MCF2L: variants seen among roughly 807,000 people sequenced by gnomAD.
MCF2L encodes the protein MCF.2 cell line derived transforming sequence like, also known as guanine nucleotide exchange factor DBS.
A neutral mutation model predicts 153.4 loss-of-function variants in MCF2L; 97 were observed. The observed-to-expected ratio is 0.63, with a 90% CI of 0.54 to 0.75. The LOEUF (loss-of-function observed/expected upper bound fraction) is 0.75, where lower values mean the gene tolerates loss of function less well. Ranked by LOEUF, MCF2L falls within the 30% of genes least tolerant of loss-of-function variation. MCF2L has a pLI of 0.00. For missense variants in MCF2L, 1,347 were observed against 1,495.2 expected (o/e 0.90, Z 1.64); for synonymous variants, 659 against 632.2 (o/e 1.04, Z -0.64).
upstream of MCF2L, among the ~76,000 whole-genome samples, chr13:112,967,159 A>G (rs1482384897): frequency 6.2e-5 from 4 of 64,110 alleles, no homozygotes; most frequent in Admixed American, 2.5e-4. Flanking sequence ...CTTTCCCTGA[A>G]GCTGGAGGGG....
At chr13:113,079,387 G>A (rs1461433473) in intron 15 of MCF2L, among the ~76,000 whole-genome samples, 1 of 150,954 alleles carries the variant, frequency 6.6e-6, no homozygotes, top group Non-Finnish European at 1.5e-5. Flanking sequence ...CGAGGAAGAG[G>A]AGGAGGCCAC....
At chr13:113,061,653 G>A (rs1035977165) in intron 5 of MCF2L, among the ~76,000 whole-genome samples, 3 of 144,248 alleles carry the variant, frequency 2.1e-5, no homozygotes, top group East Asian at 2.1e-4. Context: ...GGAAGAAAAC[G>A]GCCTGGGGCC....
intron 1 of MCF2L, chr13:113,009,074 C>G (rs1310587656): frequency 2.6e-5 from 4 of 152,412 alleles, no homozygotes; most frequent in East Asian, 1.9e-4. Flanking sequence ...CCTCCCTGCC[C>G]GAGGCGCAAA....
chr13:112,958,737 A>G (rs1460499278), intron 2 of MCF2L, among the ~76,000 whole-genome samples: 1 of 152,120 alleles, frequency 6.6e-6, no homozygotes, highest in Non-Finnish European at 1.5e-5. Flanking sequence ...GCAGCTCCTC[A>G]GGCCTGGAAT....
rs1256199051 is a variant in MCF2L, at chr13:112,969,345, C to T, written c.-35C>T. On this transcript the variant is annotated 5_prime_UTR_variant, in exon 1 of 30. Transcript: ENST00000535094. The surrounding 1 kb of genome is among the most constrained non-coding windows in gnomAD (Gnocchi z 4.8). ...GCAGGCGCCCCCCGTGCGGAGGAAG[C>T]GGATCTGCCAGGATCATTTTTGTTG... 1.3e-6 allele frequency: 2 copies of T among 1,547,936 alleles called. No individual in the cohort carries two copies. Among genetic ancestry groups the T allele is most frequent in the Admixed American group, 2.0e-5 (1 of 50,948 alleles).
Position 113,087,249 on chromosome 13 carries a change from C to A in MCF2L, c.2388C>A (p.Asp796Glu), listed in dbSNP as rs1182546340. 3 of 1,611,762 alleles carry A rather than the reference C, an allele frequency of 1.9e-6. No individual in the cohort carries two copies. The highest frequency in any genetic ancestry group is 2.2e-5 in the South Asian group (2 of 91,014). The change falls in exon 22 of 30, where the codon GAC becomes GAA. Residue 796 changes from aspartate to glutamate, a missense_variant. Asp to Glu is a conservative substitution (Grantham distance 45). This residue lies in a region of MCF2L where 144 missense variants were observed against 238.7 expected (regional missense o/e 0.60). Coordinates refer to ENST00000535094, the MANE Select transcript of MCF2L (RefSeq NM_001112732.3). ...CGCACATTTAGGGGAATCTCGGCGA[C>A]CTGGGCAAGCTGCTGATGCAGGGCT... is the stretch of plus-strand genomic sequence containing the variant. ...AITGYDGNLG[D>E]LGKLLMQGSF...
intron 1 of MCF2L, chr13:112,979,666 C>T (rs982379611): frequency 4.3e-6 from 7 of 1,612,710 alleles, no homozygotes; most frequent in Admixed American, 1.7e-5. Flanking sequence ...CAGGGCGGTT[C>T]GATGGCCGAG....
chr13:113,061,462 C>T (rs1333160373), intron 5 of MCF2L, among the ~76,000 whole-genome samples: 2 of 152,104 alleles, frequency 1.3e-5, no homozygotes, highest in African/African-American at 4.8e-5. Flanking sequence ...CAGCACCAGG[C>T]ACCGCAGAGC....
intron 2 of MCF2L, among the ~76,000 whole-genome samples, chr13:112,913,054 T>C (rs1316931118): frequency 6.6e-6 from 1 of 151,576 alleles, no homozygotes; most frequent in East Asian, 1.9e-4. Context: ...GTGGTGTATC[T>C]GTGTATATGG....
At chr13:112,935,172 C>T (rs12429753) in intron 2 of MCF2L, among the ~76,000 whole-genome samples, 1 of 152,180 alleles carries the variant, frequency 6.6e-6, no homozygotes, top group East Asian at 1.9e-4. Flanking sequence ...AAGCAATGTA[C>T]ATTCACTAGA....
Position 113,026,668 on chromosome 13 carries a change from A to G in MCF2L, c.278+1910A>G, listed in dbSNP as rs116216464. On this transcript the variant is annotated intron_variant, in intron 3 of 29. Transcript: ENST00000535094. ...ATGCTCATGGGAGCAGAGCCCGTCCACGTGGCCTCTCTGTGTCGTGGTCAG... is the reference window on the plus strand; with the variant it reads ...ATGCTCATGGGAGCAGAGCCCGTCCGCGTGGCCTCTCTGTGTCGTGGTCAG... Among the ~76,000 whole-genome samples, 1,103 of 152,344 alleles carry G rather than the reference A, an allele frequency of 7.2e-3. 15 individuals carry two copies. Among genetic ancestry groups the G allele is most frequent in the African/African-American group, 0.025 (1,055 of 41,584 alleles).
rs115489023 is a variant in MCF2L, at chr13:113,053,777, G to A, written c.370-6816G>A. On this transcript the variant is annotated intron_variant, in intron 4 of 29. Coordinates refer to ENST00000535094, the MANE Select transcript of MCF2L (RefSeq NM_001112732.3). This position sits in a 1 kb window ranked among gnomAD's most constrained non-coding sequence, Gnocchi z 4.4. The stretch of plus-strand genomic sequence containing the variant: ...TCCATTTGTTACTCTGTCTCCTCCT[G>A]TGTCCCTGCAGCTGTGTCTCCAGTG... 4.0e-3 allele frequency among the ~76,000 whole-genome samples: 616 copies of A among 152,300 alleles called. 3 individuals carry two copies. The highest frequency in any genetic ancestry group is 0.014 in the African/African-American group (593 of 41,582).
At chr13:112,900,635 A>T (rs2081110720) in intron 1 of MCF2L, among the ~76,000 whole-genome samples, 1 of 151,104 alleles carries the variant, frequency 6.6e-6, no homozygotes, top group South Asian at 2.1e-4. Context: ...GTGTTGGGGG[A>T]AGAGGGGCGG....
rs112147145 is a variant in MCF2L, at chr13:113,090,009, A to G, written c.2953+281A>G. ...CTTGGGCCCTCCCTGCGACAGCCGG[A>G]CCCGCCTCCGCATCGGGTTGCGATG... On this transcript the variant is annotated intron_variant, in intron 26 of 29. Transcript: ENST00000535094. The G allele has an allele frequency of 5.3e-5, 85 of 1,600,068 alleles. 1 individual carries two copies. The African/African-American group carries it at 8.4e-4, about 16-fold the overall frequency.
intron 26 of MCF2L, chr13:113,091,078 ACTCT>A: frequency 1.5e-6 from 2 of 1,303,050 alleles, no homozygotes; most frequent in Non-Finnish European, 2.0e-6. Context: ...CGTCCTTCAC[ACTCT>A]CTCTCCGGTT....
chr13:113,084,020 A>G lies in MCF2L; in HGVS notation c.2014A>G (p.Asn672Asp). ...HNRIFLRELE[N>D]YTDCPELVGR... ...TAGGATATTCCTCAGGGAGCTGGAA[A>G]ACTACACTGACTGCCCAGAACTGGT... is the stretch of plus-strand genomic sequence containing the variant. Residue 672 changes from asparagine (N) to aspartate (D), a missense_variant, in exon 18 of 30, where the codon AAC (asparagine) becomes GAC (aspartate). Transcript: ENST00000535094. The G allele has an allele frequency of 1.2e-6, 2 of 1,614,026 alleles. No homozygotes were observed. The highest frequency in any genetic ancestry group is 1.7e-6 in the Non-Finnish European group (2 of 1,179,884).
intron 4 of MCF2L, among the ~76,000 whole-genome samples, chr13:113,050,782 G>GGCA (rs2087247961): frequency 1.2e-5 from 1 of 83,484 alleles, no homozygotes; most frequent in Admixed American, 1.1e-4. Context: ...GGAGGGGGGC[G>GGCA]GCAGGGGGCG....
rs2034505044 is a variant in MCF2L, at chr13:113,085,086, G to C, written c.2155G>C (p.Glu719Gln). 6.2e-7 allele frequency: 1 copy of C among 1,613,632 alleles called. No individual in the cohort carries two copies. Among genetic ancestry groups the C allele is most frequent in the African/African-American group, 1.3e-5 (1 of 74,934 alleles). The change falls in exon 20 of 30, where the codon GAA becomes CAA. Residue 719 changes from glutamate (E) to glutamine (Q), a missense_variant and splice_region_variant. Glu to Gln is a conservative substitution (Grantham distance 29). This residue lies in a region of MCF2L where 144 missense variants were observed against 238.7 expected (regional missense o/e 0.60). Transcript: ENST00000535094. Reference sequence around the variant, plus strand: ...ACCAAAGGCTCTGGGTTGGTTCCAGGAATGCCAGAGAAAGCTGGACCACAA... The same window carrying C: ...ACCAAAGGCTCTGGGTTGGTTCCAGCAATGCCAGAGAAAGCTGGACCACAA... Reference protein sequence around the residue: ...RQCSDCPFFQECQRKLDHKLS... With the variant: ...RQCSDCPFFQQCQRKLDHKLS...
chr13:112,937,861 GTGA>G (rs2081532431), intron 2 of MCF2L, among the ~76,000 whole-genome samples: 1 of 139,418 alleles, frequency 7.2e-6, no homozygotes, highest in African/African-American at 2.6e-5. Context: ...CAGGTGAACT[GTGA>G]TTGGTTGGTT....
Sources: gnomAD v4.1 joint callset for allele counts (sites outside exome capture counted in the v4.1 genomes callset) on GRCh38, gnomAD v4.1.1 for gene constraint, gnomAD v4.1.1 regional missense constraint, Gnocchi (gnomAD v3.1) non-coding constraint, MANE v1.5 for transcripts, NCBI Gene and HGNC (gene_info 2026-07-23, HGNC 2026-07-21) for gene names.